The following SLC10A2 variants were observed in gnomAD, a reference collection of about 807,000 sequenced individuals.
SLC10A2 encodes solute carrier family 10 member 2.
SLC10A2 carries 34 observed loss-of-function variants against 27.1 expected under a neutral mutation model. The ratio of observed to expected loss-of-function variants is 1.26; its 90% CI spans 0.96 to 1.67. The LOEUF (loss-of-function observed/expected upper bound fraction) is 1.67. SLC10A2 is among the 40% of genes most tolerant of loss of function. SLC10A2 has a pLI of 0.00. For missense variants in SLC10A2, 530 were observed against 444.4 expected (o/e 1.19, Z -1.73); for synonymous variants, 205 against 174.0 (o/e 1.18, Z -1.40).
chr13:103,064,258 AAT>A (rs989317456), intron 1 of SLC10A2, among the ~76,000 whole-genome samples: 3 of 151,186 alleles, frequency 2.0e-5, no homozygotes, highest in Non-Finnish European at 2.9e-5. Flanking sequence ...TATTAAAAAA[AAT>A]AATTTATAGG....
intron 1 of SLC10A2, among the ~76,000 whole-genome samples, chr13:103,062,534 G>A (rs1011194292): frequency 4.6e-5 from 7 of 152,172 alleles, no homozygotes; most frequent in African/African-American, 1.7e-4. Context: ...AACAATGTTT[G>A]GTTACTTTTA....
intron 1 of SLC10A2, among the ~76,000 whole-genome samples, chr13:103,062,709 T>C (rs888853478): frequency 3.3e-5 from 5 of 152,156 alleles, no homozygotes; most frequent in Admixed American, 3.3e-4. Flanking sequence ...AATGCTGCAC[T>C]GGAAGCTGAA....
intron 1 of SLC10A2, among the ~76,000 whole-genome samples, chr13:103,064,822 G>C (rs1876227910): frequency 6.6e-6 from 1 of 152,044 alleles, no homozygotes; most frequent in Admixed American, 6.6e-5. Flanking sequence ...GAAGGTATAG[G>C]GTTTGTATGA....
rs1193832221 is a variant in SLC10A2, at chr13:103,049,396, GA to G, written c.811del (p.Ser271ProfsTer35). 1 of 1,614,040 alleles carries G rather than the reference GA, an allele frequency of 6.2e-7. No individual in the cohort carries two copies. Among genetic ancestry groups the G allele is most frequent in the Non-Finnish European group, 8.5e-7 (1 of 1,179,962 alleles). ...AGTGAAGGAGAGCTGAACGATGGTGGAACATAGCTGCGTGTTCTGCATCCCC... is the reference window on the plus strand; with the variant it reads ...AGTGAAGGAGAGCTGAACGATGGTGGACATAGCTGCGTGTTCTGCATCCCC... ...ETGMQNTQLC[S>X]TIVQLSFTPE... On this transcript the variant is annotated frameshift_variant, in exon 5 of 6. Coordinates refer to ENST00000245312, the MANE Select transcript of SLC10A2 (RefSeq NM_000452.3). LOFTEE classifies it high-confidence loss of function.
intron 1 of SLC10A2, 83 bp from the exon 2 acceptor site, chr13:103,058,465 T>C: frequency 2.3e-6 from 2 of 870,914 alleles, no homozygotes. Context: ...TTAATTTAAC[T>C]TTTATTTTAA....
intron 2 of SLC10A2, among the ~76,000 whole-genome samples, chr13:103,057,870 C>T (rs1206618985): frequency 6.6e-6 from 1 of 151,082 alleles, no homozygotes; most frequent in Non-Finnish European, 1.5e-5. Context: ...CAGAGTGAGA[C>T]TCCATCTCAA....
rs1876004840 is a variant in SLC10A2 at position 103,058,384 on chromosome 13, T to C, written c.378-2A>G. 6.4e-7 allele frequency: 1 copy of C among 1,570,694 alleles called. No individual in the cohort carries two copies. The highest frequency in any genetic ancestry group is 8.8e-7 in the Non-Finnish European group (1 of 1,140,602). ...GTGGAGCATGTGGTCATGCTGACGC[T>C]GAAAGGCAATGGGCAGATTGATACA... is the stretch of plus-strand genomic sequence containing the variant. On this transcript the variant is annotated splice_acceptor_variant, in intron 1 of 5. Coordinates refer to ENST00000245312, the MANE Select transcript of SLC10A2 (RefSeq NM_000452.3). LOFTEE classifies it high-confidence loss of function.
rs1876283087 is a variant in SLC10A2, at chr13:103,066,364, C to A, written c.-115G>T. The A allele has an allele frequency of 4.2e-6, 5 of 1,190,528 alleles. No homozygotes were observed. The Admixed American group carries it at 1.0e-4, about 25-fold the overall frequency. 73.7% of individuals were successfully genotyped at this position (1,190,528 alleles called of 1,614,324 possible). Reference sequence around the variant, plus strand: ...CTTCTACCCCATCAAACTTTTAAACCCCTCCTAAAAATATGTCACTTGGTG... The same window carrying A: ...CTTCTACCCCATCAAACTTTTAAACACCTCCTAAAAATATGTCACTTGGTG... On this transcript the variant is annotated 5_prime_UTR_variant, in exon 1 of 6. Transcript: ENST00000245312.
At chr13:103,046,841 G>T (rs1875625262) in intron 5 of SLC10A2, among the ~76,000 whole-genome samples, 1 of 152,184 alleles carries the variant, frequency 6.6e-6, no homozygotes, top group Non-Finnish European at 1.5e-5. Flanking sequence ...GGTAGGCTCT[G>T]CCCTGCGAGG....
chr13:103,060,363 G>A (rs867405662), intron 1 of SLC10A2, among the ~76,000 whole-genome samples: 1 of 148,766 alleles, frequency 6.7e-6, no homozygotes, highest in South Asian at 2.1e-4. Context: ...ACTCTATTAA[G>A]AGCTGGTTGC....
chr13:103,049,160 G>A (rs1875693642), intron 5 of SLC10A2, 129 bp downstream of exon 5: 6 of 902,562 alleles, frequency 6.6e-6, no homozygotes, highest in South Asian at 2.7e-5. Flanking sequence ...ATAATATGAC[G>A]GTGGCTTTTT....
chr13:103,060,238 C>G (rs546670516), intron 1 of SLC10A2, among the ~76,000 whole-genome samples: 1 of 152,276 alleles, frequency 6.6e-6, no homozygotes, highest in African/African-American at 2.4e-5. Context: ...GGCGGTGCCA[C>G]TTAGTGTGTT....
At chr13:103,052,533 T>C in intron 3 of SLC10A2, 87 bp downstream of exon 3, 1 of 951,650 alleles carries the variant, frequency 1.1e-6, no homozygotes, top group South Asian at 1.3e-5. Flanking sequence ...AATCATATAA[T>C]GAGAATGAAA....
At chr13:103,060,904 C>G (rs1342751375) in intron 1 of SLC10A2, among the ~76,000 whole-genome samples, 2 of 135,932 alleles carry the variant, frequency 1.5e-5, no homozygotes, top group African/African-American at 5.6e-5. Context: ...AACAACAACA[C>G]ACTATACTAA....
At chr13:103,059,604 T>C (rs1007739741) in intron 1 of SLC10A2, among the ~76,000 whole-genome samples, 2 of 152,110 alleles carry the variant, frequency 1.3e-5, no homozygotes, top group Non-Finnish European at 2.9e-5. Flanking sequence ...TTCTTAAGGG[T>C]CAGAAACAGT....
chr13:103,058,146 G>A, intron 2 of SLC10A2, 118 bp downstream of exon 2: 2 of 777,866 alleles, frequency 2.6e-6, no homozygotes, highest in Non-Finnish European at 4.8e-6. Flanking sequence ...AATGAAATCA[G>A]GCAAAAACTC....
rs1875612761 is a variant in SLC10A2 at position 103,046,391 on chromosome 13, AAG to A, written c.920-133_920-132del. ...CTGTAGACTGGAGGCTGCTTAGAGA[AAG>A]AAATCACCATTCTTAGTTCTATGGC... On this transcript the variant is annotated intron_variant, in intron 5 of 5. Coordinates refer to ENST00000245312, the MANE Select transcript of SLC10A2 (RefSeq NM_000452.3). The A allele has an allele frequency of 6.7e-6, 5 of 745,400 alleles. No homozygotes were observed. The East Asian group carries it at 1.4e-4, about 21-fold the overall frequency. The allele number at this position is 745,400 out of a possible 1,614,324, so 46.2% of individuals were successfully genotyped here. A position where few individuals can be genotyped will look rare whatever the true frequency, so the allele number is the denominator to read the frequency against.
chr13:103,048,369 C>T (rs9518909), intron 5 of SLC10A2, among the ~76,000 whole-genome samples: 14,047 of 141,880 alleles, frequency 0.099, 1,107 homozygotes, highest in African/African-American at 0.22. Flanking sequence ...CCTGCCTGGA[C>T]GACAGAGTGA....
chr13:103,046,751 T>A (rs1875622435), intron 5 of SLC10A2, among the ~76,000 whole-genome samples: 1 of 152,170 alleles, frequency 6.6e-6, no homozygotes, highest in Non-Finnish European at 1.5e-5. Context: ...TGATGGGTGA[T>A]CAGCATTCCT....
Sources: gnomAD v4.1 joint callset for allele counts (sites outside exome capture counted in the v4.1 genomes callset) on GRCh38, gnomAD v4.1.1 for gene constraint, MANE v1.5 for transcripts, NCBI Gene and HGNC (gene_info 2026-07-23, HGNC 2026-07-21) for gene names.